Variants in BAP1 observed in about 807,000 individuals in gnomAD.
BAP1 encodes ubiquitin carboxyl-terminal hydrolase BAP1.
Under a neutral mutation model 77.2 loss-of-function variants are expected in BAP1, and 16 were observed. That is an observed-to-expected ratio of 0.21 (90% CI 0.14 to 0.31). The LOEUF (loss-of-function observed/expected upper bound fraction) is 0.31. Among genes scored for constraint, BAP1 ranks in the 10% least tolerant of loss-of-function variants. BAP1 has a pLI of 1.00. For synonymous variants in BAP1, 362 were observed against 385.2 expected, an observed-to-expected ratio of 0.94 and a Z score of 0.71; for missense variants, 699 against 967.3, an observed-to-expected ratio of 0.72 and a Z score of 3.68.
chr3:52,401,326 G>A lies in BAP1; in HGVS notation c.*962C>T, dbSNP rs1270814818. 8.6e-6 allele frequency: 2 copies of A among 233,406 alleles called. No individual in the cohort carries two copies. The highest frequency in any genetic ancestry group is 2.2e-5 in the African/African-American group (1 of 45,352). 14.5% of individuals were successfully genotyped at this position (233,406 alleles called of 1,614,324 possible). ...TGTCCCCCACCCTGAGTGCCTTGCA[G>A]AGGCTGAGGAAACTGGAGTAGCAGG... On this transcript the variant is annotated 3_prime_UTR_variant, in exon 17 of 17. Coordinates refer to ENST00000460680, the MANE Select transcript of BAP1 (RefSeq NM_004656.4).
intron 4 of BAP1, 121 bp from the exon 5 acceptor site, chr3:52,408,198 C>G: frequency 1.4e-6 from 2 of 1,468,256 alleles, no homozygotes. Flanking sequence ...CCCTTCTCAG[C>G]TCCTTTCATC....
Position 52,403,190 on chromosome 3 carries a change from G to T in BAP1, c.1838C>A (p.Thr613Lys), listed in dbSNP as rs35448940. Residue 613 changes from threonine to lysine, a missense_variant, in exon 14 of 17, where the codon ACG becomes AAG. This residue lies in a region of BAP1 where 475 missense variants were observed against 532.4 expected (regional missense o/e 0.89). Transcript: ENST00000460680. This position sits in a 1 kb window ranked among gnomAD's most constrained non-coding sequence, Gnocchi z 4.0. ...VVEATDSREK[T>K]GMVRPGEPLS... ...GGGCTCGCCAGGCCTCACCATCCCC[G>T]TCTTCTCTCTGCTGTCCGTGGCTTC... 1.2e-6 allele frequency: 2 copies of T among 1,614,082 alleles called. No homozygotes were observed. Among genetic ancestry groups the T allele is most frequent in the Non-Finnish European group, 1.7e-6 (2 of 1,180,032 alleles).
chr3:52,405,120 G>A lies in BAP1; in HGVS notation c.1106C>T (p.Ser369Phe). The A allele has an allele frequency of 6.2e-7, 1 of 1,614,154 alleles. No individual in the cohort carries two copies. ...GTGCTCCCAGCTTACCTGCATGGGG[G>A]ACTTGGCATAATTGTGATTGTCTAG... ...AFLDNHNYAKSPMQEEEDLAA... is the reference protein window; with the variant it reads ...AFLDNHNYAKFPMQEEEDLAA... The change falls in exon 11 of 17, where the codon TCC becomes TTC. Residue 369 changes from serine to phenylalanine, a missense_variant. By Grantham distance (155) the Ser-to-Phe change is radical. Coordinates refer to ENST00000460680, the MANE Select transcript of BAP1 (RefSeq NM_004656.4).
chr3:52,405,492 G>GGA, intron 10 of BAP1, 198 bp from the exon 11 acceptor site: 2 of 79,626 alleles, frequency 2.5e-5, no homozygotes, highest in East Asian at 3.2e-4. Flanking sequence ...GAAGCAGGAA[G>GGA]AAAAAAAAAA....
chr3:52,402,320 G>A lies in BAP1; in HGVS notation c.2158C>T (p.Arg720Cys), dbSNP rs759611495. ...CGCTTGGCCTTGTAGGGGCGAGAGCGTTTCCGCCGGTCAGGCTTCCGCTGC... is the reference window on the plus strand; with the variant it reads ...CGCTTGGCCTTGTAGGGGCGAGAGCATTTCCGCCGGTCAGGCTTCCGCTGC... ...HKQRKPDRRKRSRPYKAKRQ is the reference protein window; with the variant it reads ...HKQRKPDRRKCSRPYKAKRQ Residue 720 changes from arginine to cysteine, a missense_variant, in exon 17 of 17, where the codon CGC (arginine) becomes TGC (cysteine). Physicochemically the swap from Arg to Cys is radical, Grantham distance 180. This residue lies in a region of BAP1 where 64 missense variants were observed against 112.1 expected (regional missense o/e 0.57). Coordinates refer to ENST00000460680, the MANE Select transcript of BAP1 (RefSeq NM_004656.4). The surrounding 1 kb of genome is among the most constrained non-coding windows in gnomAD (Gnocchi z 5.3). The A allele has an allele frequency of 2.5e-6, 4 of 1,594,962 alleles. No individual in the cohort carries two copies. Among genetic ancestry groups the A allele is most frequent in the Admixed American group, 3.5e-5 (2 of 56,574 alleles).
At chr3:52,409,686 C>G (rs761998353) in intron 2 of BAP1, 28 bp downstream of exon 2, 1 of 1,614,166 alleles carries the variant, frequency 6.2e-7, no homozygotes, top group Non-Finnish European at 8.5e-7. Flanking sequence ...GCCACAGCCC[C>G]GGTCCGGCAG....
intron 12 of BAP1, 136 bp downstream of exon 12, chr3:52,404,317 C>G: frequency 3.4e-6 from 5 of 1,467,800 alleles, no homozygotes; most frequent in Non-Finnish European, 4.8e-6. Context: ...CCCCATCATG[C>G]CAGCCTCCCC....
Position 52,406,477 on chromosome 3 carries a change from C to T in BAP1, c.660-101G>A, listed in dbSNP as rs2153227563. 2 of 1,558,914 alleles carry T rather than the reference C, an allele frequency of 1.3e-6. No homozygotes were observed. The highest frequency in any genetic ancestry group is 2.1e-4 in the Middle Eastern group (1 of 4,724). ...GGGCTCCCTGCAGTCACACCTGCAG[C>T]TGTAGGTATAGGCCCCACCCCAACA... On this transcript the variant is annotated intron_variant, in intron 8 of 16. Coordinates refer to ENST00000460680, the MANE Select transcript of BAP1 (RefSeq NM_004656.4). The surrounding 1 kb of genome is among the most constrained non-coding windows in gnomAD (Gnocchi z 4.6).
In BAP1 at chr3:52,401,008, T is replaced by C. The variant is rs2153226011; in HGVS notation, c.*1280A>G. 9.0e-6 allele frequency: 2 copies of C among 223,286 alleles called. No individual in the cohort carries two copies. The highest frequency in any genetic ancestry group is 9.0e-6 in the Non-Finnish European group (1 of 111,536). 13.8% of individuals were successfully genotyped at this position (223,286 alleles called of 1,614,324 possible). On this transcript the variant is annotated 3_prime_UTR_variant, in exon 17 of 17. Coordinates refer to ENST00000460680, the MANE Select transcript of BAP1 (RefSeq NM_004656.4). ...AGGCCAGCAACCACAGGAGGGTTCA[T>C]TTCTCAGGAGATTCTTAGGAGAGTT...
rs1553644745 is a variant in BAP1 at position 52,403,282 on chromosome 3, G to A, written c.1746C>T (p.Ser582=). Residue 582 remains serine, a synonymous_variant, in exon 14 of 17, where the codon TCC becomes TCT. Coordinates refer to ENST00000460680, the MANE Select transcript of BAP1 (RefSeq NM_004656.4). This position sits in a 1 kb window ranked among gnomAD's most constrained non-coding sequence, Gnocchi z 4.0. ...PLALTEGGKG[S]SPSIRPIQGS... is the part of the protein sequence containing the mutation. The stretch of plus-strand genomic sequence containing the variant: ...CTTGGATTGGTCTGATGGAGGGCGA[G>A]GAACCCTTCCCACCCTCTGGGAAGA... 1 of 1,613,960 alleles carries A rather than the reference G, an allele frequency of 6.2e-7. No homozygotes were observed. Among genetic ancestry groups the A allele is most frequent in the Non-Finnish European group, 8.5e-7 (1 of 1,180,044 alleles).
chr3:52,408,753 CTG>C (rs1705248751), intron 3 of BAP1, 147 bp from the exon 4 acceptor site: 13 of 1,101,152 alleles, frequency 1.2e-5, no homozygotes, highest in Non-Finnish European at 5.1e-6. Flanking sequence ...CTTCCCAACA[CTG>C]TGTCTGAAGT....
At position 52,405,755 on chromosome 3, in the gene BAP1, C is replaced by G. The variant is rs199560386; in HGVS notation, c.931+10G>C. 1.4e-4 allele frequency: 229 copies of G among 1,612,698 alleles called. No individual in the cohort carries two copies. Among genetic ancestry groups the G allele is most frequent in the Non-Finnish European group, 1.9e-4 (225 of 1,179,996 alleles). On this transcript the variant is annotated intron_variant, in intron 10 of 16. Coordinates refer to ENST00000460680, the MANE Select transcript of BAP1 (RefSeq NM_004656.4). The stretch of plus-strand genomic sequence containing the variant: ...CTGAGGTCCACAAGAGGTCCCAAAC[C>G]CCCCAGTACCTGTGTGGTTGCCCTC...
At chr3:52,407,909 C>A in intron 5 of BAP1, 49 bp downstream of exon 5, 1 of 1,611,610 alleles carries the variant, frequency 6.2e-7, no homozygotes, top group South Asian at 1.1e-5. Flanking sequence ...CCCTCAGGGT[C>A]AGATCTGCCC....
chr3:52,409,645 C>T (rs1441416092), intron 2 of BAP1, 37 bp from the exon 3 acceptor site: 6 of 1,614,064 alleles, frequency 3.7e-6, no homozygotes, highest in Middle Eastern at 1.6e-4. Context: ...GGAAGGACAG[C>T]CCCTGATGAG....
chr3:52,404,955 T>C (rs2153226925), intron 11 of BAP1, among the ~76,000 whole-genome samples, 155 bp downstream of exon 11: 1 of 152,306 alleles, frequency 6.6e-6, no homozygotes, highest in Non-Finnish European at 1.5e-5. Context: ...GTGGGGGCCT[T>C]TTCATATCAG....
chr3:52,404,661 A>T (rs1705092633), intron 11 of BAP1, 75 bp from the exon 12 acceptor site: 5 of 1,555,114 alleles, frequency 3.2e-6, no homozygotes, highest in Non-Finnish European at 4.3e-6. Flanking sequence ...ACAGCCAGAG[A>T]GAAAGCCAAC....
At chr3:52,407,575 C>G in intron 5 of BAP1, 115 bp from the exon 6 acceptor site, 1 of 1,428,070 alleles carries the variant, frequency 7.0e-7, no homozygotes, top group Non-Finnish European at 9.8e-7. Context: ...GGAAGGAACA[C>G]AGACGAACTT....
intron 11 of BAP1, 124 bp from the exon 12 acceptor site, chr3:52,404,710 G>A (rs1053114797): frequency 8.6e-6 from 12 of 1,399,206 alleles, no homozygotes; most frequent in Non-Finnish European, 1.2e-5. Flanking sequence ...CCCTCCAGCT[G>A]TTCCATGGCC....
chr3:52,404,509 CTCA>C lies in BAP1; in HGVS notation c.1191_1193del (p.Asp397del). 6.2e-7 allele frequency: 1 copy of C among 1,614,232 alleles called. No individual in the cohort carries two copies. Among genetic ancestry groups the C allele is most frequent in the Admixed American group, 1.7e-5 (1 of 60,020 alleles). ...CCTCCTCGTCATCCTCATAGTCATC[CTCA>C]TCATCTGAGTACTGCTGGGGTGGGC... On this transcript the variant is annotated inframe_deletion, in exon 12 of 17. Transcript: ENST00000460680.
Sources: allele counts gnomAD v4.1 joint callset (sites outside exome capture counted in the v4.1 genomes callset), GRCh38; gene constraint gnomAD v4.1.1; regional missense constraint gnomAD v4.1.1; non-coding constraint Gnocchi (gnomAD v3.1); transcripts MANE v1.5; gene names NCBI Gene and HGNC (gene_info 2026-07-23, HGNC 2026-07-21).